Variants in TPRG1 observed in about 807,000 individuals in gnomAD.
TPRG1 encodes the protein tumor protein p63 regulated 1, also known as tumor protein p63-regulated gene 1 protein.
In TPRG1, 29 loss-of-function variants were observed where a neutral mutation model predicts 29.3. The ratio of observed to expected loss-of-function variants is 0.99; its 90% CI spans 0.74 to 1.35. The LOEUF (loss-of-function observed/expected upper bound fraction) is 1.35, where lower values mean the gene tolerates loss of function less well. Among genes scored for constraint, TPRG1 ranks in the 40% most tolerant of loss-of-function variants. TPRG1 has a pLI of 0.00. For missense variants in TPRG1, 327 were observed against 335.0 expected (o/e 0.98, Z 0.19); for synonymous variants, 130 against 116.8 (o/e 1.11, Z -0.73).
At chr3:189,081,033 A>T (rs1274098016) in intron 4 of TPRG1, among the ~76,000 whole-genome samples, 1 of 152,168 alleles carries the variant, frequency 6.6e-6, no homozygotes, top group African/African-American at 2.4e-5. Flanking sequence ...TTCTCTTTAT[A>T]GAAGATGAAG....
At chr3:189,288,560 C>T (rs1256971987) in intron 4 of TPRG1, among the ~76,000 whole-genome samples, 1 of 152,186 alleles carries the variant, frequency 6.6e-6, no homozygotes, top group African/African-American at 2.4e-5. Context: ...GGGGCCTTTG[C>T]ATTCTATCTC....
chr3:189,145,103 C>T (rs1725072243), intron 3 of TPRG1, among the ~76,000 whole-genome samples: 1 of 152,070 alleles, frequency 6.6e-6, no homozygotes, highest in South Asian at 2.1e-4. Flanking sequence ...GTGGCTCAAG[C>T]CTGTAATCCC....
At chr3:189,281,105 A>G (rs1452777824) in intron 4 of TPRG1, among the ~76,000 whole-genome samples, 2 of 152,226 alleles carry the variant, frequency 1.3e-5, no homozygotes. Flanking sequence ...GTCTTTACAT[A>G]CATTAACTCA....
At chr3:189,193,434 A>G (rs1451941164) in intron 1 of TPRG1, among the ~76,000 whole-genome samples, 5 of 152,092 alleles carry the variant, frequency 3.3e-5, no homozygotes, top group Non-Finnish European at 5.9e-5. Flanking sequence ...TTTGCTTCCC[A>G]GATTTAAATA....
intron 4 of TPRG1, among the ~76,000 whole-genome samples, chr3:189,078,134 T>TTTCTTTCTTTCTTTCC (rs1717346129): frequency 7.7e-6 from 1 of 129,348 alleles, no homozygotes; most frequent in African/African-American, 2.8e-5. Flanking sequence ...TCTTTCTTTC[T>TTTCTTTCTTTCTTTCC]TTCCTTTCTT....
chr3:189,190,974 G>A (rs949877068), intron 1 of TPRG1: 1 of 985,272 alleles, frequency 1.0e-6, no homozygotes, highest in African/African-American at 1.7e-5. Flanking sequence ...GCAAGGAAAT[G>A]CGAATATCAC....
intron 5 of TPRG1, among the ~76,000 whole-genome samples, chr3:189,161,861 T>A (rs1262883200): frequency 6.6e-6 from 1 of 152,146 alleles, no homozygotes; most frequent in Non-Finnish European, 1.5e-5. Context: ...GCAGATAGCT[T>A]CTGAATAGTG....
chr3:189,228,854 T>C (rs1738201463), intron 3 of TPRG1, among the ~76,000 whole-genome samples: 1 of 152,134 alleles, frequency 6.6e-6, no homozygotes, highest in Admixed American at 6.5e-5. Context: ...GACATGATAA[T>C]CTATTTAGAA....
At chr3:189,274,935 A>AGTGTGTGTGTGT (rs57386934) in intron 4 of TPRG1, among the ~76,000 whole-genome samples, 20 of 137,734 alleles carry the variant, frequency 1.5e-4, no homozygotes, top group East Asian at 4.3e-4. Context: ...TAATGTAATG[A>AGTGTGTGTGTGT]GTGTGTGTGT....
chr3:189,060,165 G>A (rs535087812), intron 4 of TPRG1, among the ~76,000 whole-genome samples: 1 of 152,344 alleles, frequency 6.6e-6, no homozygotes, highest in South Asian at 2.1e-4. Context: ...CTGGGAGGCA[G>A]AGGTTGTGGT....
chr3:189,248,918 T>C (rs1406152115), intron 4 of TPRG1, among the ~76,000 whole-genome samples: 1 of 151,342 alleles, frequency 6.6e-6, no homozygotes, highest in African/African-American at 2.4e-5. Context: ...TCCTTGGAAT[T>C]AGCATATCAC....
chr3:189,008,529 A>C (rs959318031), intron 3 of TPRG1, among the ~76,000 whole-genome samples: 3 of 152,166 alleles, frequency 2.0e-5, no homozygotes, highest in Non-Finnish European at 4.4e-5. Context: ...ACAGCCCAAG[A>C]ATTAGTACAA....
intron 5 of TPRG1, among the ~76,000 whole-genome samples, chr3:189,163,795 G>A (rs999763219): frequency 6.6e-6 from 1 of 152,044 alleles, no homozygotes; most frequent in African/African-American, 2.4e-5. Flanking sequence ...TGGAGTTGCC[G>A]GGGTTGGGCT....
At chr3:189,156,500 C>T (rs138095272) in intron 5 of TPRG1, among the ~76,000 whole-genome samples, 13 of 152,258 alleles carry the variant, frequency 8.5e-5, no homozygotes, top group African/African-American at 2.6e-4. Flanking sequence ...TCAGGGATAA[C>T]GTTACAAGTT....
At chr3:189,270,022 CTT>C (rs1249099937) in intron 4 of TPRG1, among the ~76,000 whole-genome samples, 3 of 76,542 alleles carry the variant, frequency 3.9e-5, no homozygotes, top group African/African-American at 3.7e-4. Flanking sequence ...TCTGGATCTT[CTT>C]CTTCTTCTTC....
At chr3:189,180,917 G>A (rs1285337602) in intron 1 of TPRG1, among the ~76,000 whole-genome samples, 2 of 152,180 alleles carry the variant, frequency 1.3e-5, no homozygotes, top group African/African-American at 4.8e-5. Flanking sequence ...TGGACATCTA[G>A]GCATTTCCAT....
intron 3 of TPRG1, among the ~76,000 whole-genome samples, chr3:189,215,926 A>G (rs76993928): frequency 0.078 from 11,929 of 152,202 alleles, 582 homozygotes; most frequent in East Asian, 0.17. Context: ...TATTGCTTCA[A>G]TAACTGCCTG....
At chr3:189,111,244 ATTTCT>A (rs1720486813) in intron 1 of TPRG1, among the ~76,000 whole-genome samples, 1 of 151,908 alleles carries the variant, frequency 6.6e-6, no homozygotes, top group African/African-American at 2.4e-5. Flanking sequence ...GTCTTCTTTG[ATTTCT>A]TTTGTCAGTA....
upstream of TPRG1, among the ~76,000 whole-genome samples, chr3:189,098,520 G>C (rs554944469): frequency 2.6e-5 from 4 of 152,224 alleles, no homozygotes; most frequent in South Asian, 8.3e-4. Flanking sequence ...AACGTCCAGG[G>C]GATGGGCTTC....
Sources: allele counts gnomAD v4.1 joint callset (sites outside exome capture counted in the v4.1 genomes callset), GRCh38; gene constraint gnomAD v4.1.1; transcripts MANE v1.5; gene names NCBI Gene and HGNC (gene_info 2026-07-23, HGNC 2026-07-21).